Variants in KCNQ1 observed in about 807,000 individuals in gnomAD.
The protein encoded by KCNQ1 is potassium voltage-gated channel subfamily KQT member 1.
A neutral mutation model predicts 72.4 loss-of-function variants in KCNQ1; 49 were observed. The observed-to-expected ratio is 0.68, with a 90% CI of 0.54 to 0.86. KCNQ1 has a LOEUF of 0.86. Among genes scored for constraint, KCNQ1 ranks in the 40% least tolerant of loss-of-function variants. KCNQ1 has a pLI of 0.00. For synonymous variants in KCNQ1, 450 were observed against 412.6 expected, an observed-to-expected ratio of 1.09 and a Z score of -1.10; for missense variants, 790 against 945.1, an observed-to-expected ratio of 0.84 and a Z score of 2.15.
rs1848836100 is a variant in KCNQ1 at position 2,603,500 on chromosome 11, A to T, written c.1393+14646A>T. ...GAACATTTTTATCATTCCAAAAAGA[A>T]ACCCAGTGCCTTTTAAATATCACCC... On this transcript the variant is annotated intron_variant, in intron 10 of 15. Transcript: ENST00000155840. This position sits in a 1 kb window ranked among gnomAD's most constrained non-coding sequence, Gnocchi z 4.1. 6.6e-6 allele frequency among the ~76,000 whole-genome samples: 1 copy of T among 152,132 alleles called. No homozygotes were observed. The highest frequency in any genetic ancestry group is 1.5e-5 in the Non-Finnish European group (1 of 68,026).
In KCNQ1 at chr11:2,624,877, T is replaced by C. The variant is rs1849239026; in HGVS notation, c.1393+36023T>C. ...GACTGCTGTATTTCATTTAACATAA[T>C]GGCCTCGAGGTTCATCCATGTTGTG... On this transcript the variant is annotated intron_variant, in intron 10 of 15. Transcript: ENST00000155840. The surrounding 1 kb of genome is among the most constrained non-coding windows in gnomAD (Gnocchi z 4.9). 5.0e-6 allele frequency: 2 copies of C among 398,518 alleles called. No individual in the cohort carries two copies. Among genetic ancestry groups the C allele is most frequent in the South Asian group, 1.3e-4 (1 of 7,858 alleles). 24.7% of individuals were successfully genotyped at this position (398,518 alleles called of 1,614,324 possible).
chr11:2,651,850 A>G lies in KCNQ1; in HGVS notation c.1394-10111A>G, dbSNP rs1355145912. 2 of 398,640 alleles carry G rather than the reference A, an allele frequency of 5.0e-6. No homozygotes were observed. The highest frequency in any genetic ancestry group is 7.1e-5 in the East Asian group (2 of 28,076). The allele number at this position is 398,640 out of a possible 1,614,324, so 24.7% of individuals were successfully genotyped here. On this transcript the variant is annotated intron_variant, in intron 10 of 15. Coordinates refer to ENST00000155840, the MANE Select transcript of KCNQ1 (RefSeq NM_000218.3). The surrounding 1 kb of genome is among the most constrained non-coding windows in gnomAD (Gnocchi z 6.1). ...AGGACCATACCAGACAGATGCCACC[A>G]CATCTTTTCTTGAAGTAGTGTTCAG...
At position 2,592,507 on chromosome 11, in the gene KCNQ1, T is replaced by G. The variant is rs1848683583; in HGVS notation, c.1393+3653T>G. Reference sequence around the variant, plus strand: ...TGCTCCCTCAACCTTCTGACCTGGGTGGGGAGGGAGGGGAATGTCAGCAGC... The same window carrying G: ...TGCTCCCTCAACCTTCTGACCTGGGGGGGGAGGGAGGGGAATGTCAGCAGC... On this transcript the variant is annotated intron_variant, in intron 10 of 15. Transcript: ENST00000155840. This position sits in a 1 kb window ranked among gnomAD's most constrained non-coding sequence, Gnocchi z 5.2. Among the ~76,000 whole-genome samples the G allele has an allele frequency of 2.0e-5, 3 of 150,354 alleles. No homozygotes were observed. Among genetic ancestry groups the G allele is most frequent in the Admixed American group, 6.6e-5 (1 of 15,146 alleles).
At chr11:2,518,149 G>C (rs1188602924) in intron 1 of KCNQ1, among the ~76,000 whole-genome samples, 2 of 152,260 alleles carry the variant, frequency 1.3e-5, no homozygotes, top group East Asian at 1.9e-4. Flanking sequence ...CGGAGGGAGG[G>C]AATGCAGCTG....
In KCNQ1 at chr11:2,748,873, C is replaced by T. The variant is rs1463245342; in HGVS notation, c.1515-19971C>T. Among the ~76,000 whole-genome samples, 2 of 152,228 alleles carry T rather than the reference C, an allele frequency of 1.3e-5. No homozygotes were observed. Among genetic ancestry groups the T allele is most frequent in the East Asian group, 1.9e-4 (1 of 5,186 alleles). ...GGTCTGGCAGCTGGGTGTGCAGGGG[C>T]AGCCCCAGACCTCCAGAGTGCCCTC... On this transcript the variant is annotated intron_variant, in intron 11 of 15. Coordinates refer to ENST00000155840, the MANE Select transcript of KCNQ1 (RefSeq NM_000218.3). This position sits in a 1 kb window ranked among gnomAD's most constrained non-coding sequence, Gnocchi z 6.2.
intron 15 of KCNQ1, among the ~76,000 whole-genome samples, chr11:2,798,460 C>CA: frequency 6.6e-6 from 1 of 151,634 alleles, no homozygotes; most frequent in Middle Eastern, 3.4e-3. Context: ...GGGGTCACCT[C>CA]AAAAACAGCT....
intron 1 of KCNQ1, among the ~76,000 whole-genome samples, chr11:2,501,831 A>G (rs1245375893): frequency 2.0e-5 from 3 of 152,148 alleles, no homozygotes; most frequent in Non-Finnish European, 4.4e-5. Context: ...GCAACACCTT[A>G]AAAAAGATCA....
chr11:2,625,069 C>T (rs1849242175), intron 10 of KCNQ1: 1 of 398,526 alleles, frequency 2.5e-6, no homozygotes. Flanking sequence ...ATCTTTGAGA[C>T]TGCTTTTAAT....
chr11:2,834,827 G>C (rs982360716), intron 15 of KCNQ1, among the ~76,000 whole-genome samples: 3 of 152,224 alleles, frequency 2.0e-5, no homozygotes, highest in African/African-American at 7.2e-5. Flanking sequence ...GCAGGTTCCG[G>C]GGCAAGAATC....
Position 2,788,857 on chromosome 11 carries a change from C to T in KCNQ1, c.1794+10820C>T, listed in dbSNP as rs1254450377. Among the ~76,000 whole-genome samples, 6 of 152,138 alleles carry T rather than the reference C, an allele frequency of 3.9e-5. No homozygotes were observed. The South Asian group carries it at 1.0e-3, about 26-fold the overall frequency. On this transcript the variant is annotated intron_variant, in intron 15 of 15. Transcript: ENST00000155840. ...GAAAGCAGCGTTTGACGCTGAGCAC[C>T]GCCACCCTGTTCCTGCACAGGGGTG... is the stretch of plus-strand genomic sequence containing the variant.
rs1849774209 is a variant in KCNQ1 at position 2,652,635 on chromosome 11, G to A, written c.1394-9326G>A. On this transcript the variant is annotated intron_variant, in intron 10 of 15. Transcript: ENST00000155840. This position sits in a 1 kb window ranked among gnomAD's most constrained non-coding sequence, Gnocchi z 5.9. ...AAATGTGTCTTGGGAGACCTAGACA[G>A]TGACTTCCTGCAGCATGGAGACCCG... 1.0e-5 allele frequency: 4 copies of A among 398,702 alleles called. No homozygotes were observed. Among genetic ancestry groups the A allele is most frequent in the Non-Finnish European group, 1.8e-5 (4 of 226,128 alleles). The allele number at this position is 398,702 out of a possible 1,614,324, so 24.7% of individuals were successfully genotyped here.
chr11:2,818,679 G>GT lies in KCNQ1; in HGVS notation c.1795-29086dup, dbSNP rs1167433031. On this transcript the variant is annotated intron_variant, in intron 15 of 15. Transcript: ENST00000155840. The surrounding 1 kb of genome is among the most constrained non-coding windows in gnomAD (Gnocchi z 7.2). ...TGCTGGTCCCTAACCGGGCCCACCTGTTGGGTCCTTAGCACCAGCTGCCCA... is the reference window on the plus strand; with the variant it reads ...TGCTGGTCCCTAACCGGGCCCACCTGTTTGGGTCCTTAGCACCAGCTGCCCA... Among the ~76,000 whole-genome samples, 3 of 152,146 alleles carry GT rather than the reference G, an allele frequency of 2.0e-5. No homozygotes were observed. The highest frequency in any genetic ancestry group is 2.9e-5 in the Non-Finnish European group (2 of 68,024).
At chr11:2,786,872 A>G (rs1159787525) in intron 15 of KCNQ1, among the ~76,000 whole-genome samples, 2 of 151,600 alleles carry the variant, frequency 1.3e-5, no homozygotes, top group East Asian at 3.8e-4. Context: ...TCCAGTATCT[A>G]AAGTATTTCT....
chr11:2,459,730 T>G (rs1180613162), intron 1 of KCNQ1, among the ~76,000 whole-genome samples: 1 of 151,958 alleles, frequency 6.6e-6, no homozygotes, highest in African/African-American at 2.4e-5. Flanking sequence ...CTACAAAGAG[T>G]TCCCCCTTTG....
chr11:2,847,909 G>A lies in KCNQ1; in HGVS notation c.1937G>A (p.Gly646Asp). The A allele has an allele frequency of 6.3e-7, 1 of 1,577,354 alleles. No individual in the cohort carries two copies. The highest frequency in any genetic ancestry group is 8.6e-7 in the Non-Finnish European group (1 of 1,161,644). Residue 646 changes from glycine to aspartate, a missense_variant, in exon 16 of 16, where the codon GGC (glycine) becomes GAC (aspartate). By Grantham distance (94) the Gly-to-Asp change is moderately conservative. Transcript: ENST00000155840. ...ATCACCCAGCCCTGCGGCAGTGGCG[G>A]CTCCGTCGACCCTGAGCTCTTCCTG... ...AHITQPCGSG[G>D]SVDPELFLPS...
At chr11:2,461,314 AT>A in intron 1 of KCNQ1, 1 of 836,964 alleles carries the variant, frequency 1.2e-6, no homozygotes, top group Non-Finnish European at 1.6e-6. Flanking sequence ...CTCGCAGCAG[AT>A]TTGTAGTCTG....
At chr11:2,496,524 T>TTTTTTTTTTTTTTTTTTTTTTTTTG in intron 1 of KCNQ1, among the ~76,000 whole-genome samples, 1 of 138,450 alleles carries the variant, frequency 7.2e-6, no homozygotes, top group Non-Finnish European at 1.6e-5. Flanking sequence ...TTTTTTTGCT[T>TTTTTTTTTTTTTTTTTTTTTTTTTG]TCCATTGCTT....
chr11:2,667,260 C>T (rs1185478842), intron 11 of KCNQ1: 5 of 398,536 alleles, frequency 1.3e-5, no homozygotes, highest in African/African-American at 2.1e-5. Flanking sequence ...GAGGAAGAAG[C>T]GGCTGGCCTA....
Position 2,462,087 on chromosome 11 carries a change from C to A in KCNQ1, c.386+16603C>A. 1 of 290,408 alleles carries A rather than the reference C, an allele frequency of 3.4e-6. No individual in the cohort carries two copies. The highest frequency in any genetic ancestry group is 6.9e-6 in the Non-Finnish European group (1 of 144,992). The allele number at this position is 290,408 out of a possible 1,614,324, so 18.0% of individuals were successfully genotyped here. On this transcript the variant is annotated intron_variant, in intron 1 of 15. Coordinates refer to ENST00000155840, the MANE Select transcript of KCNQ1 (RefSeq NM_000218.3). The surrounding 1 kb of genome is among the most constrained non-coding windows in gnomAD (Gnocchi z 8.2). Reference sequence around the variant, plus strand: ...TGAGACCCAGCCCCACTGTGTCTTTCTGGGATTCACAAGAATCCTTCCCTG... The same window carrying A: ...TGAGACCCAGCCCCACTGTGTCTTTATGGGATTCACAAGAATCCTTCCCTG...
Sources: allele counts gnomAD v4.1 joint callset (sites outside exome capture counted in the v4.1 genomes callset), GRCh38; gene constraint gnomAD v4.1.1; non-coding constraint Gnocchi (gnomAD v3.1); transcripts MANE v1.5; gene names NCBI Gene and HGNC (gene_info 2026-07-23, HGNC 2026-07-21).